Variants in BBC3 observed in about 807,000 individuals in gnomAD.
The protein encoded by BBC3 is BCL2 binding component 3, also known as bcl-2-binding component 3.
BBC3 carries 5 observed loss-of-function variants against 18.2 expected under a neutral mutation model. That is an observed-to-expected ratio of 0.27 (90% CI 0.14 to 0.58). BBC3 has a LOEUF of 0.58. Among genes scored for constraint, BBC3 ranks in the 20% least tolerant of loss-of-function variants. The probability of loss-of-function intolerance (pLI) is 0.91; values close to 1 mark genes in which losing one functional copy is unlikely to be tolerated. For missense variants in BBC3, 224 were observed against 268.9 expected (o/e 0.83, Z 1.17); for synonymous variants, 119 against 128.0 (o/e 0.93, Z 0.47).
chr19:47,232,773 G>A (rs1394417106), upstream of BBC3: 5 of 536,530 alleles, frequency 9.3e-6, no homozygotes, highest in Non-Finnish European at 1.3e-5. Flanking sequence ...CCTCACCAGA[G>A]TGACTCACCT....
chr19:47,228,125 T>G lies in BBC3; in HGVS notation c.274+33A>C. On this transcript the variant is annotated intron_variant, in intron 2 of 3. Coordinates refer to ENST00000439096, the MANE Select transcript of BBC3 (RefSeq NM_014417.5). This position sits in a 1 kb window ranked among gnomAD's most constrained non-coding sequence, Gnocchi z 5.5. The stretch of plus-strand genomic sequence containing the variant: ...GTCTCCAGCCCTCTCTCTTCCCGGC[T>G]CCTATCACCCCGGGGGCGGGGCGGG... 1 of 1,221,212 alleles carries G rather than the reference T, an allele frequency of 8.2e-7. No homozygotes were observed. The highest frequency in any genetic ancestry group is 1.0e-6 in the Non-Finnish European group (1 of 979,814). The allele number at this position is 1,221,212 out of a possible 1,614,324, so 75.6% of individuals were successfully genotyped here.
upstream of BBC3, chr19:47,232,418 G>T: frequency 6.9e-6 from 7 of 1,013,894 alleles, no homozygotes; most frequent in South Asian, 6.4e-5. Flanking sequence ...AGAAGAAACT[G>T]ACCACCCACA....
Position 47,221,901 on chromosome 19 carries a change from C to A in BBC3, c.483G>T (p.Gln161His), listed in dbSNP as rs2058756623. The change falls in exon 4 of 4, where the codon CAG becomes CAT. Residue 161 changes from glutamine to histidine, a missense_variant. Physicochemically the swap from Gln to His is conservative, Grantham distance 24. Coordinates refer to ENST00000439096, the MANE Select transcript of BBC3 (RefSeq NM_014417.5). The part of the protein sequence containing the change: ...QYERRRQEEQ[Q>H]RHRPSPWRVL... ...CCCTCCAGGGTGAGGGGCGGTGCCG[C>A]TGCTGCTCCTCTTGTCTCTGGGGAA... 1.9e-6 allele frequency: 3 copies of A among 1,607,238 alleles called. No homozygotes were observed. The highest frequency in any genetic ancestry group is 2.2e-5 in the South Asian group (2 of 90,406).
chr19:47,227,583 G>A (rs532659623), intron 2 of BBC3, among the ~76,000 whole-genome samples: 48 of 152,254 alleles, frequency 3.2e-4, no homozygotes, highest in Non-Finnish European at 5.4e-4. Context: ...GCAGGGATGG[G>A]GCTCCACGGG....
chr19:47,226,703 G>A lies in BBC3; in HGVS notation c.326C>T (p.Pro109Leu). The change falls in exon 3 of 4, where the codon CCC becomes CTC. Residue 109 changes from proline to leucine, a missense_variant. Transcript: ENST00000439096. ...LAEQHLESPVPSAPGALAGGP... is the reference protein window; with the variant it reads ...LAEQHLESPVLSAPGALAGGP... ...GCCCGCCAGAGCCCCCGGGGCGCTG[G>A]GCACGGGCGACTCCAGGTGCTGCTC... 1 of 1,465,466 alleles carries A rather than the reference G, an allele frequency of 6.8e-7. No individual in the cohort carries two copies. The highest frequency in any genetic ancestry group is 9.0e-7 in the Non-Finnish European group (1 of 1,112,228). The allele number at this position is 1,465,466 out of a possible 1,614,324, so 90.8% of individuals were successfully genotyped here. A position where few individuals can be genotyped will look rare whatever the true frequency, so the allele number is the denominator to read the frequency against.
intron 2 of BBC3, among the ~76,000 whole-genome samples, chr19:47,227,781 C>T (rs1366107218): frequency 6.6e-6 from 1 of 152,170 alleles, no homozygotes; most frequent in African/African-American, 2.4e-5. Flanking sequence ...CGACCCCTCC[C>T]CAGAGGCCAG....
At chr19:47,231,358 C>T (rs546634399), upstream of BBC3, 14 of 290,334 alleles carry the variant, frequency 4.8e-5, no homozygotes, top group South Asian at 3.9e-4. This position sits in a 1 kb window ranked among gnomAD's most constrained non-coding sequence, Gnocchi z 4.0. Flanking sequence ...CGCGCCCCCC[C>T]CTACCTCCGC....
rs2058846464 is a variant in BBC3, at chr19:47,227,429, G to A, written c.275-675C>T. 2.7e-5 allele frequency among the ~76,000 whole-genome samples: 4 copies of A among 150,788 alleles called. No homozygotes were observed. In the South Asian group the frequency reaches 8.4e-4, roughly 32 times the overall value. On this transcript the variant is annotated intron_variant, in intron 2 of 3. Coordinates refer to ENST00000439096, the MANE Select transcript of BBC3 (RefSeq NM_014417.5). ...CCAGGGCCTCAGTTTCCACATCTGTGACCTTGGCCTTGAAATCGGTGTCCC... is the reference window on the plus strand; with the variant it reads ...CCAGGGCCTCAGTTTCCACATCTGTAACCTTGGCCTTGAAATCGGTGTCCC...
At position 47,221,367 on chromosome 19, in the gene BBC3, G is replaced by A. The variant is rs1291896562; in HGVS notation, c.*435C>T. ...CTTCACGGGCCCCCTCCCAGGAGGAGGGGGGGAAGCACCAGGGGCCTGAGG... is the reference window on the plus strand; with the variant it reads ...CTTCACGGGCCCCCTCCCAGGAGGAAGGGGGGAAGCACCAGGGGCCTGAGG... On this transcript the variant is annotated 3_prime_UTR_variant, in exon 4 of 4. Coordinates refer to ENST00000439096, the MANE Select transcript of BBC3 (RefSeq NM_014417.5). 8.0e-6 allele frequency: 2 copies of A among 251,132 alleles called. No individual in the cohort carries two copies. Among genetic ancestry groups the A allele is most frequent in the African/African-American group, 4.8e-5 (2 of 41,730 alleles). 15.6% of individuals were successfully genotyped at this position (251,132 alleles called of 1,614,324 possible).
intron 2 of BBC3, 116 bp from the exon 3 acceptor site, chr19:47,226,870 T>C: frequency 2.2e-6 from 2 of 922,390 alleles, no homozygotes; most frequent in Non-Finnish European, 3.0e-6. Flanking sequence ...AGTGATCCCA[T>C]CGCTAGTGAG....
At chr19:47,232,693 T>C (rs2058926373), upstream of BBC3, 2 of 1,238,472 alleles carry the variant, frequency 1.6e-6, no homozygotes, top group African/African-American at 1.5e-5. Flanking sequence ...GTCCTTCCTT[T>C]TTCCAAAGCC....
chr19:47,228,887 A>G lies in BBC3; in HGVS notation c.-15-441T>C, dbSNP rs759068557. On this transcript the variant is annotated intron_variant, in intron 1 of 3. Transcript: ENST00000439096. The surrounding 1 kb of genome is among the most constrained non-coding windows in gnomAD (Gnocchi z 5.5). ...ACAGCGAGGCCCCCACAGCACACAC[A>G]CAAGGACTCACACGGGACTGGCCAG... is the stretch of plus-strand genomic sequence containing the variant. Among the ~76,000 whole-genome samples, 46 of 152,178 alleles carry G rather than the reference A, an allele frequency of 3.0e-4. 1 individual carries two copies. Among genetic ancestry groups the G allele is most frequent in the South Asian group, 2.7e-3 (13 of 4,824 alleles).
rs2058747037 is a variant in BBC3 at position 47,221,318 on chromosome 19, G to A, written c.*484C>T. ...CCCACTCTCTGGCTCCAGGAGGCTAGTGGTCACGTTTGGCTCATTTGCTCT... is the reference window on the plus strand; with the variant it reads ...CCCACTCTCTGGCTCCAGGAGGCTAATGGTCACGTTTGGCTCATTTGCTCT... On this transcript the variant is annotated 3_prime_UTR_variant, in exon 4 of 4. Coordinates refer to ENST00000439096, the MANE Select transcript of BBC3 (RefSeq NM_014417.5). 1 of 180,416 alleles carries A rather than the reference G, an allele frequency of 5.5e-6. No individual in the cohort carries two copies. Among genetic ancestry groups the A allele is most frequent in the South Asian group, 1.2e-4 (1 of 8,484 alleles). 11.2% of individuals were successfully genotyped at this position (180,416 alleles called of 1,614,324 possible).
At chr19:47,226,166 C>T (rs2123373693) in intron 3 of BBC3, among the ~76,000 whole-genome samples, 1 of 151,894 alleles carries the variant, frequency 6.6e-6, no homozygotes, top group East Asian at 1.9e-4. Flanking sequence ...CTGTGTGGCG[C>T]TGCGGGCCGC....
upstream of BBC3, among the ~76,000 whole-genome samples, chr19:47,231,815 T>C (rs2058918400): frequency 6.6e-6 from 1 of 152,072 alleles, no homozygotes; most frequent in South Asian, 2.1e-4. This position sits in a 1 kb window ranked among gnomAD's most constrained non-coding sequence, Gnocchi z 4.0. Context: ...CCACAAACTG[T>C]GTTCACAAAC....
At chr19:47,232,283 G>A (rs545079332), upstream of BBC3, among the ~76,000 whole-genome samples, 21 of 152,316 alleles carry the variant, frequency 1.4e-4, no homozygotes, top group African/African-American at 4.8e-4. Flanking sequence ...CCCGGGAGGC[G>A]GAGGTTGCAG....
At chr19:47,224,729 CTTTT>C (rs920484758) in intron 3 of BBC3, among the ~76,000 whole-genome samples, 1 of 135,838 alleles carries the variant, frequency 7.4e-6, no homozygotes. Context: ...GTGAAAATGA[CTTTT>C]TTTTTTTTTT....
upstream of BBC3, among the ~76,000 whole-genome samples, chr19:47,231,545 G>A (rs1222170005): frequency 6.6e-6 from 1 of 152,080 alleles, no homozygotes; most frequent in Non-Finnish European, 1.5e-5. The surrounding 1 kb of genome is among the most constrained non-coding windows in gnomAD (Gnocchi z 4.0). Flanking sequence ...ACCGACCGAC[G>A]GGCGTTCCAG....
rs576483360 is a variant in BBC3, at chr19:47,229,305, C to T, written c.-15-859G>A. Among the ~76,000 whole-genome samples, 379 of 151,800 alleles carry T rather than the reference C, an allele frequency of 2.5e-3. 1 individual carries two copies. The highest frequency in any genetic ancestry group is 0.02 in the Middle Eastern group (6 of 294). ...CATATCAACACAAAACAGACACCCA[C>T]GGACACACATACATCAACACCCCCA... On this transcript the variant is annotated intron_variant, in intron 1 of 3. Transcript: ENST00000439096.
Sources: allele counts gnomAD v4.1 joint callset (sites outside exome capture counted in the v4.1 genomes callset), GRCh38; gene constraint gnomAD v4.1.1; non-coding constraint Gnocchi (gnomAD v3.1); transcripts MANE v1.5; gene names NCBI Gene and HGNC (gene_info 2026-07-23, HGNC 2026-07-21).